MUC6: variants seen among roughly 807,000 people sequenced by gnomAD.
The protein encoded by MUC6 is mucin 6, oligomeric mucus/gel-forming (gene/pseudogene), also known as mucin-6.
Under a neutral mutation model 201.5 loss-of-function variants are expected in MUC6, and 188 were observed. That is an observed-to-expected ratio of 0.93 (90% CI 0.83 to 1.05). The LOEUF is 1.05. MUC6 is among the 50% of genes least tolerant of loss of function. The probability of loss-of-function intolerance (pLI) is 0.00; values close to 1 mark genes in which losing one functional copy is unlikely to be tolerated. For synonymous variants in MUC6, 1,228 were observed against 1,389.4 expected, an observed-to-expected ratio of 0.88 and a Z score of 2.58; for missense variants, 2,706 against 3,256.9, an observed-to-expected ratio of 0.83 and a Z score of 4.12.
At position 1,028,055 on chromosome 11, in the gene MUC6, CA is replaced by C; in HGVS notation, c.1757del (p.Val586GlyfsTer11). The C allele has an allele frequency of 6.4e-7, 1 of 1,573,080 alleles. No individual in the cohort carries two copies. Among genetic ancestry groups the C allele is most frequent in the Non-Finnish European group, 8.6e-7 (1 of 1,159,708 alleles). On this transcript the variant is annotated frameshift_variant, in exon 15 of 33. Transcript: ENST00000421673. LOFTEE classifies it high-confidence loss of function. ...DPCSMSQLNK[V>X]CAETHCSMLL... ...GCATGGAGCAGTGGGTCTCTGCACA[CA>C]CCTCTGGGGATGACAGGCCCGGGCG...
Position 1,032,040 on chromosome 11 carries a change from G to T in MUC6, c.129C>A (p.Gly43=). 1.9e-6 allele frequency: 3 copies of T among 1,613,272 alleles called. No homozygotes were observed. Among genetic ancestry groups the T allele is most frequent in the Non-Finnish European group, 2.5e-6 (3 of 1,179,872 alleles). Residue 43 remains glycine (G), a synonymous_variant, in exon 3 of 33, where the codon GGC becomes GGA. Coordinates refer to ENST00000421673, the MANE Select transcript of MUC6 (RefSeq NM_005961.3). ...GACCAGCCCCCCACGTGGAGCACTGGCCTTTGTCCGGGGCTACAGAGAGAG... is the reference window on the plus strand; with the variant it reads ...GACCAGCCCCCCACGTGGAGCACTGTCCTTTGTCCGGGGCTACAGAGAGAG... ...KDSPQTAPDK[G]QCSTWGAGHF...
intron 1 of MUC6, 101 bp downstream of exon 1, chr11:1,036,503 G>GTGGGCCAGCCGAGTTGTCGA (rs1471397482): frequency 7.4e-7 from 1 of 1,352,908 alleles, no homozygotes; most frequent in African/African-American, 1.5e-5. Flanking sequence ...CAGCGTCCAT[G>GTGGGCCAGCCGAGTTGTCGA]TGGGCCAGCC....
Position 1,016,592 on chromosome 11 carries a change from C to G in MUC6, c.6209G>C (p.Gly2070Ala). 6.3e-7 allele frequency: 1 copy of G among 1,581,446 alleles called. No individual in the cohort carries two copies. Among genetic ancestry groups the G allele is most frequent in the Non-Finnish European group, 8.6e-7 (1 of 1,165,440 alleles). Residue 2070 changes from glycine (G) to alanine (A), a missense_variant, in exon 31 of 33, where the codon GGG becomes GCG. Transcript: ENST00000421673. The part of the protein sequence containing the change: ...TAPPMTVTTS[G>A]TSQTHSSFST... Reference sequence around the variant, plus strand: ...GAATGAGCTGTGGGTTTGGCTGGTCCCACTGGTGGTCACTGTCATTGGTGG... The same window carrying G: ...GAATGAGCTGTGGGTTTGGCTGGTCGCACTGGTGGTCACTGTCATTGGTGG...
intron 16 of MUC6, 33 bp from the exon 17 acceptor site, chr11:1,027,550 AG>A (rs1415542056): frequency 1.2e-6 from 2 of 1,605,540 alleles, no homozygotes; most frequent in Non-Finnish European, 1.7e-6. Context: ...ACTCTCCGGG[AG>A]GGGGCGGCCG....
At chr11:1,029,388 G>T (rs759738220) in intron 9 of MUC6, 22 bp from the exon 10 acceptor site, 1 of 1,593,934 alleles carries the variant, frequency 6.3e-7, no homozygotes, top group South Asian at 1.1e-5. Flanking sequence ...CGTGGGGGTA[G>T]CGGCATGGTG....
At chr11:1,018,976 G>T (rs979412024) in intron 30 of MUC6, among the ~76,000 whole-genome samples, 1 of 152,148 alleles carries the variant, frequency 6.6e-6, no homozygotes, top group African/African-American at 2.4e-5. Context: ...GCTGCGTGCT[G>T]ACTCCTTCAG....
chr11:1,020,525 T>C (rs1856783038), intron 28 of MUC6, among the ~76,000 whole-genome samples, 159 bp downstream of exon 28: 1 of 152,172 alleles, frequency 6.6e-6, no homozygotes, highest in Non-Finnish European at 1.5e-5. Context: ...GGCTGTGGGC[T>C]GAGCTCCTCC....
chr11:1,015,380 C>T (rs1336445090), intron 31 of MUC6, among the ~76,000 whole-genome samples: 2 of 152,194 alleles, frequency 1.3e-5, no homozygotes, highest in Admixed American at 6.5e-5. Flanking sequence ...GCTGCTTGAA[C>T]CCTGGGGTTG....
rs764190393 is a variant in MUC6, at chr11:1,016,166, A to C, written c.6635T>G (p.Leu2212Arg). 6.8e-6 allele frequency: 11 copies of C among 1,613,304 alleles called. No individual in the cohort carries two copies. The highest frequency in any genetic ancestry group is 9.3e-6 in the Non-Finnish European group (11 of 1,179,760). ...GAAAGGAGAGGAGATAGTGTGGGGG[A>C]GAGTGGCCCTAATGGTAGTAGAGGC... is the stretch of plus-strand genomic sequence containing the variant. Reference protein sequence around the residue: ...PAASTTIRATLPHTISSPFTL... With the variant: ...PAASTTIRATRPHTISSPFTL... The change falls in exon 31 of 33, where the codon CTC becomes CGC. Residue 2212 changes from leucine (L) to arginine (R), a missense_variant. This residue lies in a region of MUC6 where 586 missense variants were observed against 488.0 expected (regional missense o/e 1.20). Transcript: ENST00000421673.
chr11:1,018,679 G>A lies in MUC6; in HGVS notation c.4122C>T (p.Thr1374=), dbSNP rs1211504016. The change falls in exon 31 of 33, where the codon ACC becomes ACT. Residue 1374 remains threonine, a synonymous_variant. Transcript: ENST00000421673. The part of the protein sequence containing the change: ...PTPASTTGPT[T]PQPGQPTRPT... The stretch of plus-strand genomic sequence containing the variant: ...GCCTCGTGGGTTGTCCTGGCTGTGG[G>A]GTGGTTGGGCCTGTGGTGCTTGCTG... The A allele has an allele frequency of 1.2e-6, 2 of 1,613,070 alleles. No individual in the cohort carries two copies. The highest frequency in any genetic ancestry group is 1.7e-6 in the Non-Finnish European group (2 of 1,179,598).
At chr11:1,036,424 G>A (rs1235407400) in intron 1 of MUC6, among the ~76,000 whole-genome samples, 180 bp downstream of exon 1, 2 of 152,188 alleles carry the variant, frequency 1.3e-5, no homozygotes, top group Non-Finnish European at 2.9e-5. Flanking sequence ...CCAGCACCGC[G>A]GCTGCTGGGG....
At position 1,027,300 on chromosome 11, in the gene MUC6, G is replaced by T. The variant is rs545866239; in HGVS notation, c.2199C>A (p.Ala733=). The change falls in exon 17 of 33, where the codon GCC becomes GCA. Residue 733 remains alanine, a synonymous_variant. Transcript: ENST00000421673. ...CILEGYKFIL[A]EQSTVINGIT... is the part of the protein sequence containing the mutation. ...TGCCGTTGATGACAGTGGACTGCTC[G>T]GCCAGGATGAACTTGTAACCCTCCA... 7 of 1,612,628 alleles carry T rather than the reference G, an allele frequency of 4.3e-6. No homozygotes were observed. In the South Asian group the frequency reaches 5.5e-5, roughly 13 times the overall value.
Position 1,023,608 on chromosome 11 carries a change from C to T in MUC6, c.3427G>A (p.Gly1143Ser), listed in dbSNP as rs1322615201. 14 of 1,613,180 alleles carry T rather than the reference C, an allele frequency of 8.7e-6. No homozygotes were observed. The highest frequency in any genetic ancestry group is 2.2e-5 in the East Asian group (1 of 44,892). The change falls in exon 26 of 33, where the codon GGC (glycine) becomes AGC (serine). Residue 1143 changes from glycine to serine, a missense_variant. Coordinates refer to ENST00000421673, the MANE Select transcript of MUC6 (RefSeq NM_005961.3). ...GCCTCCTGTGTGTACTGGTACTCGC[C>T]ATGGCCGTCCTGCGTGTGCGTGTTG... ...FYNTHTQDGH[G>S]EYQYTQEANC...
Position 1,024,795 on chromosome 11 carries a change from C to T in MUC6, c.3225+49G>A, listed in dbSNP as rs560454285. On this transcript the variant is annotated intron_variant, in intron 24 of 32. Coordinates refer to ENST00000421673, the MANE Select transcript of MUC6 (RefSeq NM_005961.3). Reference sequence around the variant, plus strand: ...TCCCCGCCCCTTCCCCCGCCCCCACCGGACATTTGTGGAGGGGCAGGCGCA... The same window carrying T: ...TCCCCGCCCCTTCCCCCGCCCCCACTGGACATTTGTGGAGGGGCAGGCGCA... The T allele has an allele frequency of 1.7e-4, 275 of 1,584,382 alleles. 4 individuals carry two copies. In the South Asian group the frequency reaches 2.4e-3, roughly 14 times the overall value.
intron 32 of MUC6, 78 bp from the exon 33 acceptor site, chr11:1,013,711 C>G: frequency 1.4e-6 from 2 of 1,476,004 alleles, no homozygotes; most frequent in Non-Finnish European, 9.2e-7. Context: ...GGCAGCTGCT[C>G]CGCAGAGGCC....
intron 13 of MUC6, 27 bp downstream of exon 13, chr11:1,028,619 G>T: frequency 6.2e-7 from 1 of 1,600,924 alleles, no homozygotes; most frequent in Non-Finnish European, 8.5e-7. Context: ...TGAGGCAACA[G>T]GGCCACCTGG....
chr11:1,034,839 C>G (rs1262615604), intron 1 of MUC6, among the ~76,000 whole-genome samples: 1 of 152,208 alleles, frequency 6.6e-6, no homozygotes, highest in East Asian at 1.9e-4. Context: ...CCCCTGCGCC[C>G]CCCGCCGCCC....
At position 1,031,132 on chromosome 11, in the gene MUC6, GC is replaced by G. The variant is rs1272900186; in HGVS notation, c.574+36del. 5.3e-5 allele frequency: 68 copies of G among 1,282,100 alleles called. No individual in the cohort carries two copies. The East Asian group carries it at 9.0e-4, about 17-fold the overall frequency. The allele number at this position is 1,282,100 out of a possible 1,614,324, so 79.4% of individuals were successfully genotyped here. A position where few individuals can be genotyped will look rare whatever the true frequency, so the allele number is the denominator to read the frequency against. On this transcript the variant is annotated intron_variant, in intron 5 of 32. Coordinates refer to ENST00000421673, the MANE Select transcript of MUC6 (RefSeq NM_005961.3). ...CCCCTGCCCTGCCCCCCACCTAGAGGCCCCCCCAGAGGCCCCCCAGCCCTGC... is the reference window on the plus strand; with the variant it reads ...CCCCTGCCCTGCCCCCCACCTAGAGGCCCCCCAGAGGCCCCCCAGCCCTGC...
Position 1,031,232 on chromosome 11 carries a change from G to C in MUC6, c.511C>G (p.Gln171Glu). Residue 171 changes from glutamine (Q) to glutamate (E), a missense_variant, in exon 5 of 33, where the codon CAG becomes GAG. Gln to Glu is a conservative substitution (Grantham distance 29). Coordinates refer to ENST00000421673, the MANE Select transcript of MUC6 (RefSeq NM_005961.3). ...AAGTTCCCGCAGAGCCCGCACATCT[G>C]ACCCATGTACTTCCGCTCCACCAGA... Reference protein sequence around the residue: ...MVLVERKYMGQMCGLCGNFDG... With the variant: ...MVLVERKYMGEMCGLCGNFDG... The C allele has an allele frequency of 1.3e-6, 2 of 1,583,780 alleles. No individual in the cohort carries two copies. Among genetic ancestry groups the C allele is most frequent in the South Asian group, 1.2e-5 (1 of 85,976 alleles).
Sources: allele counts gnomAD v4.1 joint callset (sites outside exome capture counted in the v4.1 genomes callset), GRCh38; gene constraint gnomAD v4.1.1; regional missense constraint gnomAD v4.1.1; transcripts MANE v1.5; gene names NCBI Gene and HGNC (gene_info 2026-07-23, HGNC 2026-07-21).